Variants in PLS3 observed in about 807,000 individuals in gnomAD.
PLS3 encodes the protein plastin 3, also known as plastin-3.
Under a neutral mutation model 46.5 loss-of-function variants are expected in PLS3, and 11 were observed. That is an observed-to-expected ratio of 0.24 (90% CI 0.15 to 0.39). PLS3 has a LOEUF of 0.39. PLS3 is among the 10% of genes least tolerant of loss of function. PLS3 has a pLI of 1.00. For missense variants in PLS3, 308 were observed against 461.8 expected, an observed-to-expected ratio of 0.67 and a Z score of 3.05; for synonymous variants, 167 against 162.2, an observed-to-expected ratio of 1.03 and a Z score of -0.22.
At chrX:115,615,125 A>G (rs1351123574) in intron 2 of PLS3, among the ~76,000 whole-genome samples, 1 of 111,396 alleles carries the variant, frequency 9.0e-6, no homozygotes, top group Non-Finnish European at 1.9e-5. Flanking sequence ...ACAAAGTAGC[A>G]CCCCAAAAGA....
At chrX:115,647,476 TA>T in intron 13 of PLS3, 73 bp from the exon 14 acceptor site, 1 of 955,522 alleles carries the variant, frequency 1.0e-6, no homozygotes, top group South Asian at 2.2e-5. Context: ...AAGTGGAAGA[TA>T]AAGCATCTTT....
chrX:115,645,619 T>G (rs897576995), intron 11 of PLS3, among the ~76,000 whole-genome samples: 3 of 111,956 alleles, frequency 2.7e-5, no homozygotes, highest in Non-Finnish European at 5.6e-5. Flanking sequence ...GCTCGTATCC[T>G]TACTGTATTC....
At chrX:115,576,221 T>C (rs887087392) in intron 1 of PLS3, among the ~76,000 whole-genome samples, 5 of 112,010 alleles carry the variant, frequency 4.5e-5, no homozygotes, top group Admixed American at 9.5e-5. Flanking sequence ...GGAGTCTTTA[T>C]CTTTTGACCT....
intron 1 of PLS3, among the ~76,000 whole-genome samples, chrX:115,592,378 C>T (rs1415070273): frequency 9.0e-6 from 1 of 111,417 alleles, no homozygotes; most frequent in Non-Finnish European, 1.9e-5. Context: ...GGAATAGCTC[C>T]ATTGTTATAG....
In PLS3 at chrX:115,603,933, ACT is replaced by A. The variant is rs782216291; in HGVS notation, c.-8-6308_-8-6307del. Among the ~76,000 whole-genome samples, 84 of 112,069 alleles carry A rather than the reference ACT, an allele frequency of 7.5e-4. 1 individual carries two copies. Among genetic ancestry groups the A allele is most frequent in the African/African-American group, 2.6e-3 (79 of 30,930 alleles). On this transcript the variant is annotated intron_variant, in intron 1 of 15. Transcript: ENST00000355899. The stretch of plus-strand genomic sequence containing the variant: ...TACTTTCTCTTCACCTTTTTCTAGT[ACT>A]CATGAAAAAATTTGCAAATTAGGAG...
At chrX:115,595,314 T>C (rs1237625934) in intron 1 of PLS3, among the ~76,000 whole-genome samples, 1 of 111,756 alleles carries the variant, frequency 8.9e-6, no homozygotes, top group Non-Finnish European at 1.9e-5. Flanking sequence ...CTCATAGATA[T>C]TGGTACTGAA....
chrX:115,569,109 C>T (rs1176788333), intron 1 of PLS3, among the ~76,000 whole-genome samples: 1 of 110,027 alleles, frequency 9.1e-6, no homozygotes, highest in Non-Finnish European at 1.9e-5. Context: ...TCATATGTGA[C>T]TCTAAACTGG....
chrX:115,628,298 G>A (rs1290197114), intron 3 of PLS3, among the ~76,000 whole-genome samples: 1 of 112,373 alleles, frequency 8.9e-6, no homozygotes, highest in African/African-American at 3.2e-5. Flanking sequence ...TCTTTGAATT[G>A]CATTTGTTCA....
At chrX:115,574,875 G>A (rs980086490) in intron 1 of PLS3, among the ~76,000 whole-genome samples, 11 of 112,212 alleles carry the variant, frequency 9.8e-5, no homozygotes, top group African/African-American at 2.9e-4. Flanking sequence ...CACCGCGCCC[G>A]GCCCCATACC....
At position 115,612,404 on chromosome X, in the gene PLS3, T is replaced by C. The variant is rs188050197; in HGVS notation, c.73+2081T>C. Among the ~76,000 whole-genome samples the C allele has an allele frequency of 4.8e-4, 54 of 112,027 alleles. No homozygotes were observed. In the East Asian group the frequency reaches 0.012, roughly 24 times the overall value. ...AAAAAATCTTTGTAGTTTTAAGTTG[T>C]TGTTACTTACAGAACCCTCAGGCAA... On this transcript the variant is annotated intron_variant, in intron 2 of 15. Coordinates refer to ENST00000355899, the MANE Select transcript of PLS3 (RefSeq NM_005032.7).
At chrX:115,616,807 G>T (rs1037405306) in intron 2 of PLS3, among the ~76,000 whole-genome samples, 2 of 111,524 alleles carry the variant, frequency 1.8e-5, no homozygotes, top group Non-Finnish European at 1.9e-5. Context: ...TGTTTAAATT[G>T]AAATTATTTT....
intron 11 of PLS3, among the ~76,000 whole-genome samples, chrX:115,645,493 G>A (rs1556641559): frequency 9.1e-6 from 1 of 110,057 alleles, no homozygotes; most frequent in African/African-American, 3.3e-5. Context: ...AAAAAAGAAA[G>A]GTAAAAAAGA....
intron 3 of PLS3, among the ~76,000 whole-genome samples, chrX:115,624,034 T>G: frequency 9.0e-6 from 1 of 110,746 alleles, no homozygotes; most frequent in Non-Finnish European, 1.9e-5. Context: ...TCGAGGGCCA[T>G]ACTGGCCAAC....
intron 11 of PLS3, 132 bp from the exon 12 acceptor site, chrX:115,645,940 A>T: frequency 2.1e-6 from 1 of 468,001 alleles, no homozygotes; most frequent in South Asian, 3.2e-5. Flanking sequence ...GCACAGATTG[A>T]TAGAAAATAT....
rs375399996 is a variant in PLS3 at position 115,622,216 on chromosome X, C to G, written c.74-30C>G. ...AACTTCTGTCTTTCAATTTTTTTTC[C>G]TTTTTTGCTTGCTCTCCTTTTTTAC... On this transcript the variant is annotated intron_variant, in intron 2 of 15. Transcript: ENST00000355899. 2.8e-5 allele frequency: 32 copies of G among 1,163,225 alleles called. No individual in the cohort carries two copies. In the African/African-American group the frequency reaches 5.3e-4, roughly 19 times the overall value.
intron 8 of PLS3, among the ~76,000 whole-genome samples, chrX:115,638,107 A>G (rs1460803425): frequency 2.1e-5 from 2 of 95,073 alleles, no homozygotes; most frequent in Non-Finnish European, 4.0e-5. Flanking sequence ...ACCAAGCCCG[A>G]TTGATTTTTT....
At chrX:115,595,425 T>A (rs1352706126) in intron 1 of PLS3, among the ~76,000 whole-genome samples, 1 of 110,503 alleles carries the variant, frequency 9.0e-6, no homozygotes, top group Non-Finnish European at 1.9e-5. Flanking sequence ...TTAATAGCTA[T>A]GTAGGGGTGA....
chrX:115,635,666 A>G (rs1336928289), intron 7 of PLS3, among the ~76,000 whole-genome samples: 91 of 103,784 alleles, frequency 8.8e-4, no homozygotes, highest in Non-Finnish European at 1.5e-3. Context: ...AAAAAAAAAA[A>G]AAAGAAAGAA....
Position 115,635,034 on chromosome X carries a change from A to G in PLS3, c.736A>G (p.Ser246Gly). 1 of 1,206,131 alleles carries G rather than the reference A, an allele frequency of 8.3e-7. No homozygotes were observed. Among genetic ancestry groups the G allele is most frequent in the East Asian group, 3.0e-5 (1 of 33,807 alleles). ...KIGLFADIEL[S>G]RNEALAALLR... The stretch of plus-strand genomic sequence containing the variant: ...CGGTTTGTTCGCTGACATTGAATTA[A>G]GCAGGAATGAAGGTAATGGAACACA... Residue 246 changes from serine to glycine, a missense_variant, in exon 7 of 16, where the codon AGC (serine) becomes GGC (glycine). Physicochemically the swap from Ser to Gly is moderately conservative, Grantham distance 56. Coordinates refer to ENST00000355899, the MANE Select transcript of PLS3 (RefSeq NM_005032.7).
Sources: gnomAD v4.1 joint callset for allele counts (sites outside exome capture counted in the v4.1 genomes callset) on GRCh38, gnomAD v4.1.1 for gene constraint, MANE v1.5 for transcripts, NCBI Gene and HGNC (gene_info 2026-07-23, HGNC 2026-07-21) for gene names.